Variants in RGL3 observed in about 807,000 individuals in gnomAD.
RGL3 encodes ral guanine nucleotide dissociation stimulator-like 3.
RGL3 carries 85 observed loss-of-function variants against 90.6 expected under a neutral mutation model. The ratio of observed to expected loss-of-function variants is 0.94; its 90% CI spans 0.79 to 1.12. RGL3 has a LOEUF of 1.12. Among genes scored for constraint, RGL3 ranks in the 50% most tolerant of loss-of-function variants. The pLI is 0.00. For synonymous variants in RGL3, 408 were observed against 385.5 expected, an observed-to-expected ratio of 1.06 and a Z score of -0.68; for missense variants, 1,034 against 939.2, an observed-to-expected ratio of 1.10 and a Z score of -1.32.
chr19:11,413,364 T>C (rs977767882), intron 5 of RGL3, among the ~76,000 whole-genome samples: 1 of 151,342 alleles, frequency 6.6e-6, no homozygotes, highest in African/African-American at 2.4e-5. Flanking sequence ...AGTGAAACGC[T>C]GTCTCTAATA....
chr19:11,405,774 C>T (rs1455523813), intron 7 of RGL3, among the ~76,000 whole-genome samples: 1 of 151,420 alleles, frequency 6.6e-6, no homozygotes, highest in African/African-American at 2.4e-5. Flanking sequence ...CGAGTCACTG[C>T]AACCTCCGCC....
At chr19:11,402,326 G>T (rs973396380) in intron 11 of RGL3, 79 bp from the exon 12 acceptor site, 1 of 1,598,144 alleles carries the variant, frequency 6.3e-7, no homozygotes, top group African/African-American at 1.3e-5. Context: ...GATGTCAGGA[G>T]CCCCACTGTA....
chr19:11,396,727 T>C (rs987135250), intron 18 of RGL3, among the ~76,000 whole-genome samples: 2 of 149,404 alleles, frequency 1.3e-5, no homozygotes, highest in East Asian at 2.0e-4. Flanking sequence ...TGCAGTGGTA[T>C]GATCTCGGCT....
In RGL3 at chr19:11,416,816, G is replaced by A. The variant is rs1969007904; in HGVS notation, c.371+20C>T. 2 of 1,612,558 alleles carry A rather than the reference G, an allele frequency of 1.2e-6. No individual in the cohort carries two copies. Among genetic ancestry groups the A allele is most frequent in the South Asian group, 1.1e-5 (1 of 90,992 alleles). On this transcript the variant is annotated intron_variant, in intron 3 of 18. Coordinates refer to ENST00000380456, the MANE Select transcript of RGL3 (RefSeq NM_001035223.4). The stretch of plus-strand genomic sequence containing the variant: ...GGGGTTCTAGGGTGGAGAATACGGA[G>A]GTTATGGTTCGCTACTGACCCGGGA...
chr19:11,418,902 C>T, intron 1 of RGL3, 118 bp from the exon 2 acceptor site: 1 of 821,546 alleles, frequency 1.2e-6, no homozygotes, highest in Non-Finnish European at 1.8e-6. Context: ...CCTTCCCGGC[C>T]AGAAGCTGCG....
In RGL3 at chr19:11,414,490, CATATATATATATATATATATATATATAT is replaced by C. The variant is rs57862666; in HGVS notation, c.637+1419_637+1446del. 2.7e-3 allele frequency among the ~76,000 whole-genome samples: 74 copies of C among 27,870 alleles called. 2 individuals are homozygous for C. The highest frequency in any genetic ancestry group is 4.4e-3 in the Non-Finnish European group (72 of 16,228). The allele number at this position is 27,870 out of a possible 152,430, so 18.3% of individuals were successfully genotyped here. ...ATATATATATATATATATACACCTT[CATATATATATATATATATATATATATAT>C]ATATATATATACCTTTATATATATA... On this transcript the variant is annotated intron_variant, in intron 5 of 18. Coordinates refer to ENST00000380456, the MANE Select transcript of RGL3 (RefSeq NM_001035223.4).
Position 11,394,364 on chromosome 19 carries a change from C to G in RGL3, c.*38G>C, listed in dbSNP as rs769443049. The G allele has an allele frequency of 3.3e-6, 5 of 1,508,406 alleles. No homozygotes were observed. In the African/African-American group the frequency reaches 6.9e-5, roughly 21 times the overall value. 93.4% of individuals were successfully genotyped at this position (1,508,406 alleles called of 1,614,324 possible). ...TCCAGGAGAAGAGTCGCAAGCTTGCCTGTGGGACTTGTGTCTTGTGGAGAG... is the reference window on the plus strand; with the variant it reads ...TCCAGGAGAAGAGTCGCAAGCTTGCGTGTGGGACTTGTGTCTTGTGGAGAG... On this transcript the variant is annotated 3_prime_UTR_variant, in exon 19 of 19. Coordinates refer to ENST00000380456, the MANE Select transcript of RGL3 (RefSeq NM_001035223.4).
Position 11,400,219 on chromosome 19 carries a change from G to A in RGL3, c.1563C>T (p.Leu521=). The change falls in exon 14 of 19, where the codon CTC becomes CTT. Residue 521 remains leucine (L), a synonymous_variant. Transcript: ENST00000380456. ...SSPRIRRRIS[L]TKRLSAKLAR... is the part of the protein sequence containing the mutation. ...AGACTCACGCACTGAGACGCTTGGTGAGGCTGATCCGCCGTCGGATGCGTG... is the reference window on the plus strand; with the variant it reads ...AGACTCACGCACTGAGACGCTTGGTAAGGCTGATCCGCCGTCGGATGCGTG... 6.3e-7 allele frequency: 1 copy of A among 1,594,554 alleles called. No individual in the cohort carries two copies.
At chr19:11,396,100 ATCTC>A (rs66711304) in intron 18 of RGL3, among the ~76,000 whole-genome samples, 2,334 of 33,668 alleles carry the variant, frequency 0.069, 156 homozygotes, top group East Asian at 0.1. Context: ...TGCTCAGCTA[ATCTC>A]TCTCTCTCTC....
chr19:11,406,668 A>T (rs767776340), intron 6 of RGL3, 34 bp from the exon 7 acceptor site: 9 of 1,600,952 alleles, frequency 5.6e-6, no homozygotes. Flanking sequence ...ATTGGTGCTT[A>T]GCAGAACCTG....
intron 9 of RGL3, among the ~76,000 whole-genome samples, 165 bp from the exon 10 acceptor site, chr19:11,402,871 G>A (rs1049349813): frequency 1.3e-5 from 2 of 152,062 alleles, no homozygotes. Context: ...ACTTTGGGAG[G>A]CCAAGGCGAG....
chr19:11,395,102 AAAAC>A (rs1209680318), intron 18 of RGL3, among the ~76,000 whole-genome samples: 10 of 151,416 alleles, frequency 6.6e-5, no homozygotes, highest in Non-Finnish European at 1.2e-4. Flanking sequence ...CAAAAAAAAA[AAAAC>A]AAAAACAAAC....
chr19:11,406,951 GCTCACTTTC>G (rs1968795230), intron 5 of RGL3, 87 bp from the exon 6 acceptor site: 1 of 1,332,612 alleles, frequency 7.5e-7, no homozygotes, highest in African/African-American at 1.5e-5. Context: ...CCTCTCTGAG[GCTCACTTTC>G]CTCATTTGTA....
At chr19:11,405,078 C>T in intron 9 of RGL3, 69 bp downstream of exon 9, 3 of 1,273,098 alleles carry the variant, frequency 2.4e-6, no homozygotes, top group South Asian at 2.4e-5. Context: ...GAGATTACCC[C>T]TGCCTGGCCC....
intron 5 of RGL3, among the ~76,000 whole-genome samples, chr19:11,414,498 T>TATATATATATATACACCTTC (rs1968952261): frequency 1.4e-5 from 1 of 72,338 alleles, no homozygotes; most frequent in African/African-American, 5.3e-5. Context: ...TTCATATATA[T>TATATATATATATACACCTTC]ATATATATAT....
Position 11,402,088 on chromosome 19 carries a change from A to ACAGCG in RGL3, c.1402_1406dup (p.Gln470AlafsTer7), listed in dbSNP as rs1968686442. The ACAGCG allele has an allele frequency of 6.3e-7, 1 of 1,594,738 alleles. No homozygotes were observed. The highest frequency in any genetic ancestry group is 1.3e-5 in the African/African-American group (1 of 74,668). ...GGTGGGGGCTCAGGGTGTAGCTCTG[A>ACAGCG]CAGCGCCTCTGCAGCTGCTGGATGC... On this transcript the variant is annotated frameshift_variant, in exon 13 of 19. Transcript: ENST00000380456. LOFTEE classifies it high-confidence loss of function.
At chr19:11,414,389 TTATATATATACCTTTA>T (rs1365792198) in intron 5 of RGL3, among the ~76,000 whole-genome samples, 15 of 110,334 alleles carry the variant, frequency 1.4e-4, no homozygotes, top group African/African-American at 2.3e-4. Context: ...ATATATACCT[TTATATATATACCTTTA>T]TATATATATA....
chr19:11,419,232 C>A lies in RGL3; in HGVS notation c.33+14G>T, dbSNP rs199509530. On this transcript the variant is annotated intron_variant, in intron 1 of 18. Coordinates refer to ENST00000380456, the MANE Select transcript of RGL3 (RefSeq NM_001035223.4). Reference sequence around the variant, plus strand: ...ACCAGGGATGCGGGGTCCGGGGATCCCTTGTCCCCTTACCAGGGCCAGCTC... The same window carrying A: ...ACCAGGGATGCGGGGTCCGGGGATCACTTGTCCCCTTACCAGGGCCAGCTC... The A allele has an allele frequency of 1.4e-3, 2,251 of 1,592,602 alleles. 29 individuals are homozygous for A. The African/African-American group carries it at 0.027, about 19-fold the overall frequency.
rs942962159 is a variant in RGL3, at chr19:11,394,614, C to A, written c.2015-94G>T. On this transcript the variant is annotated intron_variant, in intron 18 of 18. Transcript: ENST00000380456. Reference sequence around the variant, plus strand: ...AGCCTCCTGCCACTCACCCGCGAACCTGAACAGCCATGGGTCCCTCTGCAG... The same window carrying A: ...AGCCTCCTGCCACTCACCCGCGAACATGAACAGCCATGGGTCCCTCTGCAG... 3.4e-6 allele frequency: 3 copies of A among 895,480 alleles called. No homozygotes were observed. In the African/African-American group the frequency reaches 4.9e-5, roughly 15 times the overall value. 55.5% of individuals were successfully genotyped at this position (895,480 alleles called of 1,614,324 possible).
Sources: gnomAD v4.1 joint callset for allele counts (sites outside exome capture counted in the v4.1 genomes callset) on GRCh38, gnomAD v4.1.1 for gene constraint, MANE v1.5 for transcripts, NCBI Gene and HGNC (gene_info 2026-07-23, HGNC 2026-07-21) for gene names.